SLC5A4: variants seen among roughly 807,000 people sequenced by gnomAD.
SLC5A4 encodes solute carrier family 5 member 4.
SLC5A4 carries 55 observed loss-of-function variants against 70.3 expected under a neutral mutation model. That is an observed-to-expected ratio of 0.78 (90% CI 0.63 to 0.98). SLC5A4 has a LOEUF of 0.98. Among genes scored for constraint, SLC5A4 ranks in the 50% least tolerant of loss-of-function variants. The pLI, the probability that SLC5A4 is intolerant of heterozygous loss-of-function variation, is 0.00. For synonymous variants in SLC5A4, 268 were observed against 305.7 expected, an observed-to-expected ratio of 0.88 and a Z score of 1.29; for missense variants, 735 against 839.2, an observed-to-expected ratio of 0.88 and a Z score of 1.53.
At chr22:32,311,512 G>A in the SLC5A4 span, among the ~76,000 whole-genome samples, 1 of 152,234 alleles carries the variant, frequency 6.6e-6, no homozygotes, top group Non-Finnish European at 1.5e-5. Flanking sequence ...AGGAGTGGAG[G>A]TGATTAGCTC....
the SLC5A4 span, chr22:32,276,838 A>G: frequency 3.9e-4 from 59 of 152,304 alleles, no homozygotes; most frequent in African/African-American, 1.3e-3. Context: ...AAAGCTAGAT[A>G]TACTTTTTGA....
the SLC5A4 span, among the ~76,000 whole-genome samples, chr22:32,266,364 G>T: frequency 1.3e-5 from 2 of 152,108 alleles, no homozygotes; most frequent in Non-Finnish European, 2.9e-5. Context: ...TGGAGACAGG[G>T]AAGAGGGAGG....
the SLC5A4 span, among the ~76,000 whole-genome samples, chr22:32,344,122 G>A: frequency 6.6e-6 from 1 of 152,150 alleles, no homozygotes; most frequent in Admixed American, 6.5e-5. Context: ...GGATGAGAAG[G>A]CTAGTTTTCA....
the SLC5A4 span, among the ~76,000 whole-genome samples, chr22:32,306,985 G>A: frequency 6.6e-6 from 1 of 152,282 alleles, no homozygotes; most frequent in Non-Finnish European, 1.5e-5. Context: ...TTGATTCTGT[G>A]CTCAGGGATG....
At chr22:32,274,721 A>C in the SLC5A4 span, among the ~76,000 whole-genome samples, 14 of 152,258 alleles carry the variant, frequency 9.2e-5, no homozygotes, top group African/African-American at 3.4e-4. Flanking sequence ...ATGTGCTGCG[A>C]TTAAGTTTAT....
At chr22:32,329,550 GGGGCTCTGGTGTGTGTGTTGC>G in the SLC5A4 span, among the ~76,000 whole-genome samples, 276 of 147,560 alleles carry the variant, frequency 1.9e-3, 4 homozygotes, top group South Asian at 5.0e-3. Context: ...TGTCTGTTGA[GGGGCTCTGGTGTGTGTGTTGC>G]GGGCTCTGGT....
rs767820841 is a variant in SLC5A4 at position 32,255,322 on chromosome 22, C to T, written c.8G>A (p.Ser3Asn). The change falls in exon 1 of 15, where the codon AGT becomes AAT. Residue 3 changes from serine to asparagine, a missense_variant. By Grantham distance (46) the Ser-to-Asn change is conservative. Transcript: ENST00000266086. MA[S>N]TVSPSTIAET... ...AGCTATGGTGCTGGGGCTAACCGTA[C>T]TGGCCATGGCTGCAGGCAGTGCTAT... The T allele has an allele frequency of 3.1e-6, 5 of 1,614,172 alleles. No individual in the cohort carries two copies. The highest frequency in any genetic ancestry group is 3.4e-6 in the Non-Finnish European group (4 of 1,180,006).
the SLC5A4 span, among the ~76,000 whole-genome samples, chr22:32,349,929 C>T: frequency 0.12 from 18,875 of 152,234 alleles, 1,305 homozygotes; most frequent in South Asian, 0.17. Flanking sequence ...CATAAATACA[C>T]CTTCTTATCC....
chr22:32,325,107 G>A, the SLC5A4 span, among the ~76,000 whole-genome samples: 5 of 152,334 alleles, frequency 3.3e-5, no homozygotes, highest in South Asian at 4.1e-4. Flanking sequence ...CGTAGACCCC[G>A]AGGCCCAGGC....
the SLC5A4 span, among the ~76,000 whole-genome samples, chr22:32,329,408 G>C: frequency 4.6e-5 from 7 of 152,160 alleles, no homozygotes; most frequent in South Asian, 1.0e-3. Context: ...CATTCACAGC[G>C]GGGCCGCGGA....
At chr22:32,241,548 A>G (rs1487383501) in intron 5 of SLC5A4, among the ~76,000 whole-genome samples, 1 of 152,176 alleles carries the variant, frequency 6.6e-6, no homozygotes, top group East Asian at 1.9e-4. Flanking sequence ...AAAAATATTT[A>G]CTTATTTTTG....
chr22:32,308,212 G>C, the SLC5A4 span, among the ~76,000 whole-genome samples: 1 of 150,662 alleles, frequency 6.6e-6, no homozygotes, highest in African/African-American at 2.4e-5. Flanking sequence ...ATTCACTTCT[G>C]AAGGCTCTTC....
At chr22:32,330,984 T>TG in the SLC5A4 span, among the ~76,000 whole-genome samples, 190 of 72,382 alleles carry the variant, frequency 2.6e-3, 2 homozygotes, top group South Asian at 3.2e-3. Flanking sequence ...GGTGTGTGTG[T>TG]TGGGGGCTCT....
At chr22:32,330,393 A>G in the SLC5A4 span, among the ~76,000 whole-genome samples, 77 of 17,584 alleles carry the variant, frequency 4.4e-3, 2 homozygotes, top group African/African-American at 0.02. Context: ...GGCTCTGTGT[A>G]TTGGGGCTCT....
the SLC5A4 span, among the ~76,000 whole-genome samples, chr22:32,307,424 G>A: frequency 6.6e-5 from 10 of 152,142 alleles, no homozygotes; most frequent in Admixed American, 5.2e-4. Context: ...GTGTCCGTTA[G>A]GCACAAATAG....
the SLC5A4 span, among the ~76,000 whole-genome samples, chr22:32,260,532 A>C: frequency 1.9e-3 from 281 of 151,666 alleles, 1 homozygote; most frequent in African/African-American, 5.8e-3. Context: ...AAAACCAAAA[A>C]CAAAAACAAA....
chr22:32,254,245 GC>G (rs750083261), intron 1 of SLC5A4, 32 bp from the exon 2 acceptor site: 16 of 1,563,564 alleles, frequency 1.0e-5, no homozygotes, highest in Non-Finnish European at 6.2e-6. Flanking sequence ...TGAGGGTCAA[GC>G]CCCAGCAAGT....
chr22:32,329,527 TG>T, the SLC5A4 span, among the ~76,000 whole-genome samples: 15 of 111,406 alleles, frequency 1.3e-4, 1 homozygote, highest in East Asian at 3.5e-3. Context: ...GTGTGTTTCT[TG>T]GGGGGGCTCT....
the SLC5A4 span, among the ~76,000 whole-genome samples, chr22:32,348,424 C>T: frequency 0.085 from 12,957 of 152,176 alleles, 732 homozygotes; most frequent in African/African-American, 0.15. Flanking sequence ...TGGTGGGGGC[C>T]AGCAGCAGCT....
Sources: gnomAD v4.1 joint callset for allele counts (sites outside exome capture counted in the v4.1 genomes callset) on GRCh38, gnomAD v4.1.1 for gene constraint, MANE v1.5 for transcripts, NCBI Gene and HGNC (gene_info 2026-07-23, HGNC 2026-07-21) for gene names.